GAPVD1: variants seen among roughly 807,000 people sequenced by gnomAD.
The protein encoded by GAPVD1 is GTPase-activating protein and VPS9 domain-containing protein 1.
In GAPVD1, 35 loss-of-function variants were observed where a neutral mutation model predicts 155.5. The observed-to-expected ratio is 0.23, with a 90% CI of 0.17 to 0.30. GAPVD1 has a LOEUF of 0.30. Ranked by LOEUF, GAPVD1 falls within the 10% of genes least tolerant of loss-of-function variation. GAPVD1 has a pLI of 1.00. For missense variants in GAPVD1, 1,429 were observed against 1,775.7 expected (o/e 0.80, Z 3.51); for synonymous variants, 636 against 619.7 (o/e 1.03, Z -0.39).
chr9:125,320,858 C>A (rs1442739711), intron 9 of GAPVD1, among the ~76,000 whole-genome samples: 1 of 152,110 alleles, frequency 6.6e-6, no homozygotes, highest in Non-Finnish European at 1.5e-5. Context: ...GATCTCCTGA[C>A]CTCGTGATCT....
At chr9:125,326,677 C>A in intron 12 of GAPVD1, 88 bp downstream of exon 12, 1 of 886,518 alleles carries the variant, frequency 1.1e-6, no homozygotes, top group Non-Finnish European at 1.8e-6. Context: ...AGTGCCCTGA[C>A]AAACATTGTG....
intron 3 of GAPVD1, among the ~76,000 whole-genome samples, 192 bp downstream of exon 3, chr9:125,295,766 G>A (rs1326528531): frequency 6.6e-6 from 1 of 151,954 alleles, no homozygotes; most frequent in Non-Finnish European, 1.5e-5. Context: ...AGTTGTGTTT[G>A]AAGACTTTAA....
chr9:125,283,420 G>A (rs978187879), intron 2 of GAPVD1, among the ~76,000 whole-genome samples: 6 of 152,010 alleles, frequency 3.9e-5, no homozygotes, highest in East Asian at 1.9e-4. Flanking sequence ...GCAGTGTGGC[G>A]CAGTCTTGGC....
intron 13 of GAPVD1, 79 bp downstream of exon 13, chr9:125,330,297 T>C: frequency 1.1e-6 from 1 of 930,626 alleles, no homozygotes; most frequent in Non-Finnish European, 1.6e-6. Flanking sequence ...CTCTGTATTA[T>C]GTATATTTTG....
At chr9:125,264,274 G>T (rs1296844964) in intron 1 of GAPVD1, among the ~76,000 whole-genome samples, 1 of 151,878 alleles carries the variant, frequency 6.6e-6, no homozygotes, top group East Asian at 1.9e-4. Flanking sequence ...CGCTCACTGC[G>T]ACCTCAGCTT....
chr9:125,336,290 CAAAA>C (rs34270139), intron 15 of GAPVD1, among the ~76,000 whole-genome samples: 2 of 129,170 alleles, frequency 1.5e-5, no homozygotes, highest in Non-Finnish European at 1.7e-5. Context: ...AGCTTGAGAC[CAAAA>C]AAAAAAAAAA....
intron 15 of GAPVD1, chr9:125,336,592 C>G (rs917366408): frequency 6.2e-6 from 1 of 160,616 alleles, no homozygotes; most frequent in African/African-American, 2.4e-5. Flanking sequence ...AAGCGGTCCT[C>G]CCTCCTTGGC....
intron 10 of GAPVD1, 56 bp from the exon 11 acceptor site, chr9:125,323,742 T>C: frequency 6.3e-7 from 1 of 1,580,546 alleles, no homozygotes; most frequent in South Asian, 1.1e-5. Context: ...TGAAAAATTG[T>C]GTGGTGGCTC....
In GAPVD1 at chr9:125,343,154, G is replaced by A. The variant is rs148805393; in HGVS notation, c.3046+855G>A. On this transcript the variant is annotated intron_variant, in intron 19 of 27. Coordinates refer to ENST00000297933, the MANE Select transcript of GAPVD1 (RefSeq NM_001282680.3). ...CAGCTTCGAATGCAGCCCAACACAA[G>A]TTCATAAACTTAAAACAGTATGAGA... Among the ~76,000 whole-genome samples the A allele has an allele frequency of 2.5e-3, 371 of 151,354 alleles. 1 individual carries two copies. The highest frequency in any genetic ancestry group is 7.1e-3 in the African/African-American group (293 of 41,276).
chr9:125,350,186 T>C, intron 21 of GAPVD1, 109 bp from the exon 22 acceptor site: 2 of 676,022 alleles, frequency 3.0e-6, no homozygotes, highest in South Asian at 3.6e-5. Context: ...TTCTTTAAAA[T>C]GTTTGAAACA....
intron 9 of GAPVD1, among the ~76,000 whole-genome samples, chr9:125,319,372 TAAAA>T (rs1554771142): frequency 6.7e-6 from 1 of 149,636 alleles, no homozygotes; most frequent in Non-Finnish European, 1.5e-5. Context: ...AGTTCCATCT[TAAAA>T]AAATTTTTTT....
At chr9:125,330,858 A>G (rs1029153930) in intron 13 of GAPVD1, among the ~76,000 whole-genome samples, 3 of 152,198 alleles carry the variant, frequency 2.0e-5, no homozygotes, top group African/African-American at 7.2e-5. Flanking sequence ...AAGAGTAGCA[A>G]CACAGTTCAA....
At chr9:125,285,453 GTTTTT>G (rs10659223) in intron 2 of GAPVD1, among the ~76,000 whole-genome samples, 1 of 94,686 alleles carries the variant, frequency 1.1e-5, no homozygotes, top group Non-Finnish European at 2.0e-5. Flanking sequence ...TTTTTTCTTT[GTTTTT>G]TTTTTTTTTT....
chr9:125,281,814 G>A (rs895777344), intron 2 of GAPVD1, among the ~76,000 whole-genome samples: 1 of 151,676 alleles, frequency 6.6e-6, no homozygotes, highest in Admixed American at 6.6e-5. Flanking sequence ...TGCTCTTAAA[G>A]ATAATTGGCT....
chr9:125,332,093 T>C (rs1846172850), intron 14 of GAPVD1, 33 bp downstream of exon 14: 1 of 1,605,474 alleles, frequency 6.2e-7, no homozygotes. Flanking sequence ...AGTAGGGATT[T>C]GAAGGTGTTC....
Position 125,350,918 on chromosome 9 carries a change from C to CAAGTG in GAPVD1, c.3569+47_3569+51dup, listed in dbSNP as rs776532096. ...AGCTTTTAAACCTAGTTGTTAGCTG[C>CAAGTG]AAGTGTTTTCTTTTTTATCCTTATT... On this transcript the variant is annotated intron_variant, in intron 23 of 27. Transcript: ENST00000297933. The CAAGTG allele has an allele frequency of 2.8e-6, 4 of 1,423,852 alleles. No homozygotes were observed. In the East Asian group the frequency reaches 9.2e-5, roughly 33 times the overall value. The allele number at this position is 1,423,852 out of a possible 1,614,324, so 88.2% of individuals were successfully genotyped here.
intron 1 of GAPVD1, chr9:125,263,866 C>G: frequency 2.2e-6 from 3 of 1,361,238 alleles, no homozygotes; most frequent in Non-Finnish European, 3.1e-6. Context: ...GAAGGTAATC[C>G]CGGAGATACT....
intron 9 of GAPVD1, among the ~76,000 whole-genome samples, chr9:125,313,608 TTTC>T (rs1237855696): frequency 6.6e-6 from 1 of 152,060 alleles, no homozygotes; most frequent in African/African-American, 2.4e-5. Context: ...CAGCCATTTT[TTTC>T]TTTTTTTTTG....
rs1842074534 is a variant in GAPVD1, at chr9:125,307,704, A to C, written c.1265A>C (p.Lys422Thr). The C allele has an allele frequency of 6.2e-7, 1 of 1,613,370 alleles. No homozygotes were observed. The highest frequency in any genetic ancestry group is 1.7e-5 in the Admixed American group (1 of 59,936). The change falls in exon 8 of 28, where the codon AAG becomes ACG. Residue 422 changes from lysine to threonine, a missense_variant. Physicochemically the swap from Lys to Thr is moderately conservative, Grantham distance 78. This residue lies in a region of GAPVD1 where 628 missense variants were observed against 733.4 expected (regional missense o/e 0.86). Transcript: ENST00000297933. The part of the protein sequence containing the change: ...SQLITLVNFM[K>T]SVMSGDQLRE... The stretch of plus-strand genomic sequence containing the variant: ...TGCTTTTGCCAGGTGAATTTTATGA[A>C]GAGTGTGATGTCTGGAGATCAACTG...
Sources: allele counts gnomAD v4.1 joint callset (sites outside exome capture counted in the v4.1 genomes callset), GRCh38; gene constraint gnomAD v4.1.1; regional missense constraint gnomAD v4.1.1; transcripts MANE v1.5; gene names NCBI Gene and HGNC (gene_info 2026-07-23, HGNC 2026-07-21).